TANC2: variants seen among roughly 807,000 people sequenced by gnomAD.
TANC2 encodes protein TANC2.
A neutral mutation model predicts 210.5 loss-of-function variants in TANC2; 26 were observed. That is an observed-to-expected ratio of 0.12 (90% CI 0.09 to 0.17). The LOEUF (loss-of-function observed/expected upper bound fraction) is 0.17, where lower values mean the gene tolerates loss of function less well. Ranked by LOEUF, TANC2 falls within the 10% of genes least tolerant of loss-of-function variation. The pLI, the probability that TANC2 is intolerant of heterozygous loss-of-function variation, is 1.00. For missense variants in TANC2, 2,129 were observed against 2,608.9 expected, an observed-to-expected ratio of 0.82 and a Z score of 4.01; for synonymous variants, 931 against 967.1, an observed-to-expected ratio of 0.96 and a Z score of 0.69.
At chr17:63,049,748 A>G (rs918733071) in intron 2 of TANC2, among the ~76,000 whole-genome samples, 2 of 152,144 alleles carry the variant, frequency 1.3e-5, no homozygotes, top group African/African-American at 4.8e-5. Context: ...AGTATTGAGA[A>G]TAGATTGAAG....
intron 8 of TANC2, among the ~76,000 whole-genome samples, chr17:63,247,222 C>G (rs2146124646): frequency 6.6e-6 from 1 of 152,054 alleles, no homozygotes; most frequent in African/African-American, 2.4e-5. Context: ...TGTTGCTTGT[C>G]TTTTTGTTTT....
intron 26 of TANC2, among the ~76,000 whole-genome samples, chr17:63,417,711 G>A (rs2147393923): frequency 6.6e-6 from 1 of 152,288 alleles, no homozygotes. Context: ...CCCCGGGGTA[G>A]GTATGGATGA....
intron 1 of TANC2, among the ~76,000 whole-genome samples, chr17:62,977,256 GTA>G (rs1181854141): frequency 6.6e-6 from 1 of 152,038 alleles, no homozygotes; most frequent in Non-Finnish European, 1.5e-5. Context: ...GCTTATCTGT[GTA>G]TCTTTAGTAT....
intron 1 of TANC2, among the ~76,000 whole-genome samples, chr17:62,984,290 T>G (rs115519191): frequency 7.1e-4 from 108 of 152,264 alleles, no homozygotes; most frequent in African/African-American, 2.5e-3. Flanking sequence ...TAGTGATTCT[T>G]TGTATTTCCG....
intron 9 of TANC2, among the ~76,000 whole-genome samples, chr17:63,303,491 T>C (rs1348214310): frequency 6.6e-6 from 1 of 152,224 alleles, no homozygotes; most frequent in East Asian, 1.9e-4. Flanking sequence ...CTTCCCTTTG[T>C]AGGTGACCTG....
intron 4 of TANC2, among the ~76,000 whole-genome samples, chr17:63,109,768 C>T (rs1356524575): frequency 6.6e-6 from 1 of 151,750 alleles, no homozygotes; most frequent in Non-Finnish European, 1.5e-5. Flanking sequence ...TTCTTTGTAA[C>T]ATAGCCTGCT....
intron 11 of TANC2, among the ~76,000 whole-genome samples, chr17:63,322,192 T>A (rs1470491690): frequency 6.6e-6 from 1 of 152,148 alleles, no homozygotes; most frequent in African/African-American, 2.4e-5. Flanking sequence ...TCTAAATATC[T>A]CCTGTGTAAA....
intron 5 of TANC2, among the ~76,000 whole-genome samples, chr17:63,185,441 T>C (rs1309628838): frequency 6.6e-6 from 1 of 152,210 alleles, no homozygotes; most frequent in Non-Finnish European, 1.5e-5. Flanking sequence ...TTATGAACAT[T>C]TGTTATGTGT....
intron 3 of TANC2, among the ~76,000 whole-genome samples, chr17:63,076,123 G>T (rs929433370): frequency 6.6e-6 from 1 of 152,144 alleles, no homozygotes; most frequent in Non-Finnish European, 1.5e-5. Context: ...TTGAAAGTCA[G>T]ATGAAGAAGC....
intron 9 of TANC2, among the ~76,000 whole-genome samples, chr17:63,276,489 CCTTT>C: frequency 6.7e-6 from 1 of 150,284 alleles, no homozygotes; most frequent in South Asian, 2.1e-4. Context: ...TTGGGTTTTC[CCTTT>C]CTTTTTTTTT....
chr17:63,033,954 T>C (rs1300998194), intron 2 of TANC2, among the ~76,000 whole-genome samples: 3 of 152,230 alleles, frequency 2.0e-5, no homozygotes, highest in Non-Finnish European at 4.4e-5. Context: ...TGTGTGTAGC[T>C]ACCACCACAA....
intron 2 of TANC2, among the ~76,000 whole-genome samples, chr17:63,061,643 CATACAT>C (rs1185395098): frequency 6.6e-6 from 1 of 151,816 alleles, no homozygotes; most frequent in African/African-American, 2.4e-5. Context: ...ATATATAAAA[CATACAT>C]ATACATGCAG....
chr17:63,038,233 A>G (rs1258456016), intron 2 of TANC2, among the ~76,000 whole-genome samples: 1 of 152,144 alleles, frequency 6.6e-6, no homozygotes, highest in East Asian at 1.9e-4. Flanking sequence ...TTCAAGTGCT[A>G]ATTTTTTAAA....
At chr17:63,373,618 A>C (rs567993939) in intron 14 of TANC2, among the ~76,000 whole-genome samples, 118 of 152,292 alleles carry the variant, frequency 7.7e-4, no homozygotes, top group African/African-American at 2.7e-3. Flanking sequence ...TCAATCCTCT[A>C]CCATAATATT....
chr17:63,288,224 T>G (rs2044282768), intron 9 of TANC2, among the ~76,000 whole-genome samples: 1 of 152,172 alleles, frequency 6.6e-6, no homozygotes, highest in African/African-American at 2.4e-5. Context: ...CTCACTGCCT[T>G]GGTCTCCTGG....
rs142547908 is a variant in TANC2, at chr17:63,374,557, C to T, written c.2583-5161C>T. On this transcript the variant is annotated intron_variant, in intron 14 of 27. Transcript: ENST00000689528. ...CTAAGGAAGGAACCCCTGAGTTTAT[C>T]GGGGGGCACCAGGGAAGGCTTCACA... Among the ~76,000 whole-genome samples the T allele has an allele frequency of 7.2e-5, 11 of 152,038 alleles. No individual in the cohort carries two copies. The East Asian group carries it at 2.1e-3, about 29-fold the overall frequency.
chr17:63,064,747 A>G (rs2144572804), intron 2 of TANC2, among the ~76,000 whole-genome samples: 1 of 152,172 alleles, frequency 6.6e-6, no homozygotes, highest in South Asian at 2.1e-4. Context: ...TTTATTGTAT[A>G]TTAAGTTATA....
chr17:63,121,572 T>G (rs141695491), intron 4 of TANC2, among the ~76,000 whole-genome samples: 2,398 of 152,214 alleles, frequency 0.016, 54 homozygotes, highest in African/African-American at 0.054. Context: ...ACCTGGAAAT[T>G]TCTTGCAAAT....
chr17:63,226,590 T>C (rs1170526998), intron 7 of TANC2, among the ~76,000 whole-genome samples: 3 of 152,370 alleles, frequency 2.0e-5, no homozygotes, highest in Non-Finnish European at 4.4e-5. Flanking sequence ...GTTTTTGTCT[T>C]TTATTTTTTA....
Sources: gnomAD v4.1 joint callset for allele counts (sites outside exome capture counted in the v4.1 genomes callset) on GRCh38, gnomAD v4.1.1 for gene constraint, MANE v1.5 for transcripts, NCBI Gene and HGNC (gene_info 2026-07-23, HGNC 2026-07-21) for gene names.